Variants in NEDD9 observed in about 807,000 individuals in gnomAD.
NEDD9 encodes neural precursor cell expressed, developmentally down-regulated 9.
NEDD9 carries 26 observed loss-of-function variants against 76.6 expected under a neutral mutation model. The ratio of observed to expected loss-of-function variants is 0.34; its 90% CI spans 0.25 to 0.47. The LOEUF is 0.47. Ranked by LOEUF, NEDD9 falls within the 20% of genes least tolerant of loss-of-function variation. The pLI is 1.00. For missense variants in NEDD9, 937 were observed against 1,058.5 expected, an observed-to-expected ratio of 0.89 and a Z score of 1.59; for synonymous variants, 392 against 414.2, an observed-to-expected ratio of 0.95 and a Z score of 0.65.
chr6:11,226,474 A>C (rs1228794955), intron 1 of NEDD9, among the ~76,000 whole-genome samples: 1 of 152,170 alleles, frequency 6.6e-6, no homozygotes, highest in African/African-American at 2.4e-5. Context: ...ATTTCAAACC[A>C]ATTTGTTCAG....
chr6:11,316,651 T>C (rs975496880), intron 2 of NEDD9, among the ~76,000 whole-genome samples: 2 of 152,222 alleles, frequency 1.3e-5, no homozygotes, highest in African/African-American at 4.8e-5. Flanking sequence ...CACTAATTCA[T>C]TGAAGGGGCA....
rs371525815 is a variant in NEDD9 at position 11,220,026 on chromosome 6, GATATA to G, written c.13-6304_13-6300del. ...GGAGACAGAAGATATGATAAGTTAT[GATATA>G]ATATAAGATATGCTAATTTTTTCCC... On this transcript the variant is annotated intron_variant, in intron 1 of 6. Coordinates refer to ENST00000379446, the MANE Select transcript of NEDD9 (RefSeq NM_006403.4). 3.9e-4 allele frequency among the ~76,000 whole-genome samples: 60 copies of G among 152,302 alleles called. 1 individual carries two copies. Among genetic ancestry groups the G allele is most frequent in the African/African-American group, 1.3e-3 (55 of 41,572 alleles).
intron 2 of NEDD9, among the ~76,000 whole-genome samples, chr6:11,196,406 C>T (rs1270884625): frequency 6.6e-6 from 1 of 152,154 alleles, no homozygotes; most frequent in African/African-American, 2.4e-5. Flanking sequence ...GACATATAAA[C>T]ACATAGCACG....
chr6:11,315,435 C>G (rs1357622405), intron 2 of NEDD9, among the ~76,000 whole-genome samples: 1 of 152,224 alleles, frequency 6.6e-6, no homozygotes, highest in Admixed American at 6.5e-5. Flanking sequence ...CCTGTGAAAA[C>G]TTTTTGGTTA....
At chr6:11,311,288 G>T (rs1349037162) in intron 2 of NEDD9, among the ~76,000 whole-genome samples, 1 of 152,152 alleles carries the variant, frequency 6.6e-6, no homozygotes, top group Non-Finnish European at 1.5e-5. Flanking sequence ...ACTAGAGCAG[G>T]GTGGGCCCCT....
chr6:11,317,049 A>T (rs1015573613), intron 2 of NEDD9, among the ~76,000 whole-genome samples: 4 of 152,182 alleles, frequency 2.6e-5, no homozygotes, highest in Non-Finnish European at 4.4e-5. Flanking sequence ...AGAGAGAGAG[A>T]ATGTTGAAGA....
Position 11,241,505 on chromosome 6 carries a change from G to T in NEDD9, c.13-27778C>A, listed in dbSNP as rs1248368461. Reference sequence around the variant, plus strand: ...TGTGCCCTAGCTTCCTAGATGGGCTGGATTTTCTGTTTCCAATCTACTTCC... The same window carrying T: ...TGTGCCCTAGCTTCCTAGATGGGCTTGATTTTCTGTTTCCAATCTACTTCC... On this transcript the variant is annotated intron_variant, in intron 3 of 3. Coordinates refer to the NEDD9 transcript ENST00000397378. The surrounding 1 kb of genome is among the most constrained non-coding windows in gnomAD (Gnocchi z 4.0). Among the ~76,000 whole-genome samples the T allele has an allele frequency of 6.6e-6, 1 of 152,172 alleles. No individual in the cohort carries two copies. The highest frequency in any genetic ancestry group is 2.4e-5 in the African/African-American group (1 of 41,434).
Position 11,370,364 on chromosome 6 carries a change from C to T in NEDD9, c.-214+11775G>A, listed in dbSNP as rs1209935293. ...TTTGTTTTTCAATCAGGCTGTTATT[C>T]AAATGCTGGAGCGGATCCAAATTTG... is the stretch of plus-strand genomic sequence containing the variant. On this transcript the variant is annotated intron_variant, in intron 1 of 3. Coordinates refer to the NEDD9 transcript ENST00000397378. This position sits in a 1 kb window ranked among gnomAD's most constrained non-coding sequence, Gnocchi z 4.2. Among the ~76,000 whole-genome samples, 1 of 152,210 alleles carries T rather than the reference C, an allele frequency of 6.6e-6. No homozygotes were observed. The highest frequency in any genetic ancestry group is 1.5e-5 in the Non-Finnish European group (1 of 68,030).
intron 1 of NEDD9, among the ~76,000 whole-genome samples, chr6:11,354,868 G>A (rs775743642): frequency 4.7e-4 from 72 of 152,074 alleles, no homozygotes; most frequent in Admixed American, 1.1e-3. Context: ...ACAAGATGCC[G>A]TCAGCTGGGT....
chr6:11,262,519 T>G (rs1190895074), intron 3 of NEDD9, among the ~76,000 whole-genome samples: 1 of 152,218 alleles, frequency 6.6e-6, no homozygotes, highest in African/African-American at 2.4e-5. Flanking sequence ...ACTTCCCAGA[T>G]TCTCTGTGTG....
chr6:11,374,740 T>C (rs913477263), intron 1 of NEDD9, among the ~76,000 whole-genome samples: 9 of 152,242 alleles, frequency 5.9e-5, no homozygotes, highest in African/African-American at 1.9e-4. Flanking sequence ...GAACCCAATC[T>C]GCTGGTCTGG....
At chr6:11,347,740 C>T (rs1582042030) in intron 1 of NEDD9, among the ~76,000 whole-genome samples, 1 of 152,190 alleles carries the variant, frequency 6.6e-6, no homozygotes, top group East Asian at 1.9e-4. Flanking sequence ...TAAAATTCAA[C>T]ATCCCTTCAT....
intron 2 of NEDD9, among the ~76,000 whole-genome samples, chr6:11,205,052 C>A (rs761994204): frequency 3.9e-5 from 6 of 152,174 alleles, no homozygotes; most frequent in Admixed American, 1.3e-4. Context: ...TCCAAATATG[C>A]CTTCTTCTTT....
chr6:11,361,582 A>C (rs1762680419), intron 1 of NEDD9, among the ~76,000 whole-genome samples: 1 of 152,160 alleles, frequency 6.6e-6, no homozygotes. Context: ...ACCTCCTACC[A>C]GGCCCCACCT....
chr6:11,294,840 T>G (rs1760854787), intron 3 of NEDD9, among the ~76,000 whole-genome samples: 1 of 152,196 alleles, frequency 6.6e-6, no homozygotes, highest in African/African-American at 2.4e-5. Flanking sequence ...CCAAACCTCA[T>G]CTTGAATTGT....
At chr6:11,260,210 A>G (rs1270848507) in intron 3 of NEDD9, among the ~76,000 whole-genome samples, 1 of 152,228 alleles carries the variant, frequency 6.6e-6, no homozygotes, top group Non-Finnish European at 1.5e-5. Context: ...ATATGTTGGT[A>G]TACAGACAAA....
chr6:11,263,264 C>T (rs1760146082), intron 3 of NEDD9, among the ~76,000 whole-genome samples: 2 of 152,120 alleles, frequency 1.3e-5, no homozygotes, highest in South Asian at 4.1e-4. Flanking sequence ...TGTGAAACAA[C>T]TCAAAGAGGT....
chr6:11,333,080 G>A (rs969539681), intron 2 of NEDD9, among the ~76,000 whole-genome samples: 2 of 141,814 alleles, frequency 1.4e-5, no homozygotes, highest in African/African-American at 2.5e-5. Context: ...GGGAGGGAGG[G>A]AGGGAGGGAA....
chr6:11,246,475 C>G (rs6904020), intron 3 of NEDD9, among the ~76,000 whole-genome samples: 27,991 of 152,126 alleles, frequency 0.18, 2,725 homozygotes, highest in South Asian at 0.25. Context: ...CAGGGCAGTA[C>G]GGCCACTGTC....
Sources: allele counts gnomAD v4.1 joint callset (sites outside exome capture counted in the v4.1 genomes callset), GRCh38; gene constraint gnomAD v4.1.1; non-coding constraint Gnocchi (gnomAD v3.1); transcripts MANE v1.5; gene names NCBI Gene and HGNC (gene_info 2026-07-23, HGNC 2026-07-21).